The following IL1RAPL1 variants were observed in gnomAD, a reference collection of about 807,000 sequenced individuals.
IL1RAPL1 encodes the protein interleukin-1 receptor accessory protein-like 1.
IL1RAPL1 carries 3 observed loss-of-function variants against 48.4 expected under a neutral mutation model. The ratio of observed to expected loss-of-function variants is 0.06; its 90% CI spans 0.03 to 0.16. The LOEUF is 0.16. Among genes scored for constraint, IL1RAPL1 ranks in the 10% least tolerant of loss-of-function variants. The pLI, the probability that IL1RAPL1 is intolerant of heterozygous loss-of-function variation, is 1.00. For missense variants in IL1RAPL1, 349 were observed against 530.6 expected, an observed-to-expected ratio of 0.66 and a Z score of 3.36; for synonymous variants, 185 against 187.7, an observed-to-expected ratio of 0.99 and a Z score of 0.12.
intron 2 of IL1RAPL1, among the ~76,000 whole-genome samples, chrX:29,230,584 T>A (rs1386939454): frequency 1.0e-5 from 1 of 98,331 alleles, no homozygotes; most frequent in African/African-American, 3.7e-5. Context: ...CTATTTCATC[T>A]CCCCATCCCT....
chrX:29,396,357 T>C lies in IL1RAPL1; in HGVS notation c.462T>C (p.Ala154=). The change falls in exon 4 of 11, where the codon GCT becomes GCC. Residue 154 remains alanine, a synonymous_variant. Coordinates refer to ENST00000378993, the MANE Select transcript of IL1RAPL1 (RefSeq NM_014271.4). Reference sequence around the variant, plus strand: ...CCAAGATGAAGTATTTTGAAAAAGCTGAACTTAGCAAAAGCAAGGAAATTT... The same window carrying C: ...CCAAGATGAAGTATTTTGAAAAAGCCGAACTTAGCAAAAGCAAGGAAATTT... ...YNSKMKYFEK[A]ELSKSKEISC... is the part of the protein sequence containing the mutation. The C allele has an allele frequency of 8.3e-7, 1 of 1,210,492 alleles. No homozygotes were observed. Among genetic ancestry groups the C allele is most frequent in the Non-Finnish European group, 1.1e-6 (1 of 894,137 alleles).
At chrX:29,075,888 A>G (rs771198691) in intron 2 of IL1RAPL1, among the ~76,000 whole-genome samples, 1 of 111,997 alleles carries the variant, frequency 8.9e-6, no homozygotes, top group South Asian at 3.7e-4. Context: ...TACCTACAAT[A>G]AAAAGGTCGT....
At chrX:29,337,199 T>C (rs1328174424) in intron 3 of IL1RAPL1, among the ~76,000 whole-genome samples, 3 of 111,871 alleles carry the variant, frequency 2.7e-5, no homozygotes, top group Non-Finnish European at 5.6e-5. Context: ...CAAGGAAATG[T>C]GCCAACATTT....
At chrX:29,941,179 G>C (rs1271187441) in intron 8 of IL1RAPL1, among the ~76,000 whole-genome samples, 2 of 111,968 alleles carry the variant, frequency 1.8e-5, no homozygotes, top group Non-Finnish European at 3.8e-5. Flanking sequence ...CAAGTGAGAG[G>C]GATCAAGATT....
intron 2 of IL1RAPL1, among the ~76,000 whole-genome samples, chrX:29,007,149 G>A (rs1926004077): frequency 8.9e-6 from 1 of 111,772 alleles, no homozygotes; most frequent in Admixed American, 9.5e-5. Flanking sequence ...TTCTAGTAGA[G>A]TAAAAATATA....
chrX:29,862,449 G>A (rs1009703616), intron 6 of IL1RAPL1, among the ~76,000 whole-genome samples: 5 of 111,176 alleles, frequency 4.5e-5, no homozygotes, highest in Non-Finnish European at 9.4e-5. Context: ...TCAGCTGTAA[G>A]CAATAAATGC....
intron 5 of IL1RAPL1, among the ~76,000 whole-genome samples, chrX:29,571,148 G>GATCGCGCC (rs1289893778): frequency 9.9e-5 from 11 of 111,037 alleles, no homozygotes; most frequent in African/African-American, 3.6e-4. Flanking sequence ...CGTGAACCCA[G>GATCGCGCC]GAGGTGGAGC....
chrX:29,718,051 C>A (rs1016627115), intron 6 of IL1RAPL1, among the ~76,000 whole-genome samples: 5 of 111,932 alleles, frequency 4.5e-5, no homozygotes, highest in African/African-American at 1.6e-4. Context: ...TCTTCAAATT[C>A]TTCCTCATCT....
At chrX:29,501,496 A>T (rs1242396046) in intron 5 of IL1RAPL1, among the ~76,000 whole-genome samples, 1 of 111,098 alleles carries the variant, frequency 9.0e-6, no homozygotes, top group African/African-American at 3.3e-5. Flanking sequence ...GTATGGTGAG[A>T]GTTAGAAATC....
At chrX:29,663,117 A>G (rs756142894) in intron 5 of IL1RAPL1, among the ~76,000 whole-genome samples, 1 of 112,406 alleles carries the variant, frequency 8.9e-6, no homozygotes, top group African/African-American at 3.2e-5. Flanking sequence ...TAAACATTCC[A>G]GGCCAAAGAA....
chrX:28,588,404 C>T (rs775572099), intron 1 of IL1RAPL1, among the ~76,000 whole-genome samples: 70 of 111,659 alleles, frequency 6.3e-4, no homozygotes, highest in Middle Eastern at 9.2e-3. Flanking sequence ...ATATTTGTGG[C>T]CCCTGCGTTC....
Position 29,031,181 on chromosome X carries a change from G to T in IL1RAPL1, c.82+241756G>T, listed in dbSNP as rs1473523101. Among the ~76,000 whole-genome samples, 4 of 112,156 alleles carry T rather than the reference G, an allele frequency of 3.6e-5. No individual in the cohort carries two copies. The Admixed American group carries it at 3.8e-4, about 11-fold the overall frequency. On this transcript the variant is annotated intron_variant, in intron 2 of 10. Coordinates refer to ENST00000378993, the MANE Select transcript of IL1RAPL1 (RefSeq NM_014271.4). Reference sequence around the variant, plus strand: ...TAAGATAATTTAGGAAACTAAAGCAGAATTATAACTTCTTGATTTTTATGA... The same window carrying T: ...TAAGATAATTTAGGAAACTAAAGCATAATTATAACTTCTTGATTTTTATGA...
At chrX:28,968,626 T>G (rs1924979133) in intron 2 of IL1RAPL1, among the ~76,000 whole-genome samples, 1 of 112,467 alleles carries the variant, frequency 8.9e-6, no homozygotes, top group African/African-American at 3.2e-5. Flanking sequence ...ATAACATGAG[T>G]TAAGCATTGT....
intron 2 of IL1RAPL1, among the ~76,000 whole-genome samples, chrX:29,164,783 C>T (rs1929753253): frequency 9.7e-6 from 1 of 103,065 alleles, no homozygotes; most frequent in Admixed American, 1.1e-4. Context: ...AAAATGATTT[C>T]ATTATACTCC....
chrX:29,108,015 C>T (rs1306062621), intron 2 of IL1RAPL1, among the ~76,000 whole-genome samples: 1 of 111,825 alleles, frequency 8.9e-6, no homozygotes, highest in Non-Finnish European at 1.9e-5. Context: ...TGGCACATAC[C>T]TGGAGAACTA....
At chrX:29,016,140 C>T in intron 2 of IL1RAPL1, among the ~76,000 whole-genome samples, 1 of 111,586 alleles carries the variant, frequency 9.0e-6, no homozygotes. Context: ...GGTCTCTGGT[C>T]TCAAACTCAC....
chrX:29,358,479 C>T (rs1288407384), intron 3 of IL1RAPL1, among the ~76,000 whole-genome samples: 1 of 108,769 alleles, frequency 9.2e-6, no homozygotes, highest in Non-Finnish European at 1.9e-5. Context: ...TATTTTACTT[C>T]AGTACTTAAA....
At chrX:29,370,983 C>CATTTATAATTAGCATAATCCA (rs1383149259) in intron 3 of IL1RAPL1, among the ~76,000 whole-genome samples, 1 of 109,824 alleles carries the variant, frequency 9.1e-6, no homozygotes, top group Non-Finnish European at 1.9e-5. Context: ...TATCCATCAC[C>CATTTATAATTAGCATAATCCA]TCAAACATTT....
chrX:28,737,205 C>CTCTTTCTT (rs762616408), intron 1 of IL1RAPL1, among the ~76,000 whole-genome samples: 1,469 of 49,930 alleles, frequency 0.029, 54 homozygotes, highest in Non-Finnish European at 0.036. Context: ...TTCTTTCTTT[C>CTCTTTCTT]TCTTTCTTTC....
Sources: gnomAD v4.1 joint callset for allele counts (sites outside exome capture counted in the v4.1 genomes callset) on GRCh38, gnomAD v4.1.1 for gene constraint, MANE v1.5 for transcripts, NCBI Gene and HGNC (gene_info 2026-07-23, HGNC 2026-07-21) for gene names.